The following NCSTN variants were observed in gnomAD, a reference collection of about 807,000 sequenced individuals.
NCSTN encodes the protein nicastrin, also known as anterior pharynx-defective 2.
NCSTN carries 22 observed loss-of-function variants against 87.0 expected under a neutral mutation model. The ratio of observed to expected loss-of-function variants is 0.25; its 90% CI spans 0.18 to 0.36. The LOEUF (loss-of-function observed/expected upper bound fraction) is 0.36, where lower values mean the gene tolerates loss of function less well. Among genes scored for constraint, NCSTN ranks in the 10% least tolerant of loss-of-function variants. The pLI, the probability that NCSTN is intolerant of heterozygous loss-of-function variation, is 1.00. For synonymous variants in NCSTN, 306 were observed against 327.1 expected (o/e 0.94, Z 0.69); for missense variants, 693 against 883.3 (o/e 0.78, Z 2.73).
chr1:160,347,885 A>C (rs901887897), intron 2 of NCSTN, among the ~76,000 whole-genome samples: 1 of 152,228 alleles, frequency 6.6e-6, no homozygotes, highest in South Asian at 2.1e-4. Context: ...AAGTACTGGG[A>C]TTACAGGCAT....
intron 8 of NCSTN, among the ~76,000 whole-genome samples, 157 bp from the exon 9 acceptor site, chr1:160,352,730 C>A (rs1648927871): frequency 6.6e-6 from 1 of 152,152 alleles, no homozygotes; most frequent in Non-Finnish European, 1.5e-5. Context: ...GAGGTGGGGC[C>A]AAGAGAAGCC....
intron 11 of NCSTN, among the ~76,000 whole-genome samples, chr1:160,355,099 G>T (rs937071163): frequency 1.3e-5 from 2 of 152,212 alleles, no homozygotes; most frequent in African/African-American, 4.8e-5. Flanking sequence ...ACTTGACTTT[G>T]TGTGGGACAG....
At chr1:160,352,859 C>T (rs778210683) in intron 8 of NCSTN, 28 bp from the exon 9 acceptor site, 2 of 1,568,384 alleles carry the variant, frequency 1.3e-6, no homozygotes, top group South Asian at 2.2e-5. Context: ...AATCTCTGTT[C>T]CCCCTCCCAC....
chr1:160,349,021 G>T lies in NCSTN; in HGVS notation c.213G>T (p.Gly71=). The change falls in exon 3 of 17, where the codon GGG becomes GGT. Residue 71 remains glycine (G), a synonymous_variant. Transcript: ENST00000294785. ...CAGCTTCAATTAGTGGAGACACAGG[G>T]GTTATCCACGTAGTAGAGAAAGAGG... is the stretch of plus-strand genomic sequence containing the variant. ...GCQSSISGDT[G]VIHVVEKEED... The T allele has an allele frequency of 6.2e-7, 1 of 1,614,190 alleles. No individual in the cohort carries two copies. Among genetic ancestry groups the T allele is most frequent in the Admixed American group, 1.7e-5 (1 of 60,022 alleles).
chr1:160,343,649 C>T, intron 1 of NCSTN, 168 bp downstream of exon 1: 1 of 749,172 alleles, frequency 1.3e-6, no homozygotes, highest in South Asian at 1.5e-5. Flanking sequence ...TTTGCCTGGA[C>T]CTGAAGGTCC....
chr1:160,348,005 G>T (rs971088254), intron 2 of NCSTN, among the ~76,000 whole-genome samples: 1 of 152,258 alleles, frequency 6.6e-6, no homozygotes, highest in Admixed American at 6.5e-5. Flanking sequence ...GCTCACTCCT[G>T]TAACCCTAGC....
intron 15 of NCSTN, 100 bp from the exon 16 acceptor site, chr1:160,356,941 G>A: frequency 7.2e-7 from 1 of 1,384,056 alleles, no homozygotes; most frequent in Non-Finnish European, 1.0e-6. Context: ...ACAGCAGCCA[G>A]TTAGCTCAAT....
chr1:160,351,579 G>T, intron 6 of NCSTN, 117 bp from the exon 7 acceptor site: 1 of 1,259,794 alleles, frequency 7.9e-7, no homozygotes. Flanking sequence ...CGGACTGTTG[G>T]AAGTAGAGAA....
At chr1:160,346,446 A>G (rs1648496376) in intron 2 of NCSTN, among the ~76,000 whole-genome samples, 1 of 152,184 alleles carries the variant, frequency 6.6e-6, no homozygotes, top group African/African-American at 2.4e-5. Flanking sequence ...TGGGACACTG[A>G]GAAGTGAAGG....
At chr1:160,356,214 TC>T in intron 13 of NCSTN, 45 bp from the exon 14 acceptor site, 1 of 1,474,624 alleles carries the variant, frequency 6.8e-7, no homozygotes, top group East Asian at 2.3e-5. Context: ...TTCCCTGGGC[TC>T]CCTTCAAGTC....
chr1:160,354,100 C>T lies in NCSTN; in HGVS notation c.1180-18C>T, dbSNP rs1649008848. The T allele has an allele frequency of 6.2e-7, 1 of 1,613,096 alleles. No homozygotes were observed. ...ATCCCCCAGCCTCCCATCAGTTAATCTCCCTCGTACCCCCCAGGTGGAGGA... is the reference window on the plus strand; with the variant it reads ...ATCCCCCAGCCTCCCATCAGTTAATTTCCCTCGTACCCCCCAGGTGGAGGA... On this transcript the variant is annotated intron_variant, in intron 10 of 16. Coordinates refer to ENST00000294785, the MANE Select transcript of NCSTN (RefSeq NM_015331.3).
chr1:160,358,209 A>T lies in NCSTN; in HGVS notation c.2068A>T (p.Ile690Phe). Residue 690 changes from isoleucine to phenylalanine, a missense_variant, in exon 17 of 17, where the codon ATC becomes TTC. Coordinates refer to ENST00000294785, the MANE Select transcript of NCSTN (RefSeq NM_015331.3). ...CTTCTCCCTCATCGTCACCTACTGC[A>T]TCAATGCCAAAGCTGATGTCCTTTT... ...LIFSLIVTYC[I>F]NAKADVLFIA... 1 of 1,614,116 alleles carries T rather than the reference A, an allele frequency of 6.2e-7. No individual in the cohort carries two copies. The highest frequency in any genetic ancestry group is 8.5e-7 in the Non-Finnish European group (1 of 1,180,018).
intron 11 of NCSTN, among the ~76,000 whole-genome samples, chr1:160,354,635 G>A (rs1649041237): frequency 1.3e-5 from 2 of 152,120 alleles, no homozygotes; most frequent in African/African-American, 2.4e-5. Context: ...GGGGCCCTTT[G>A]GCTAGAAGAC....
In NCSTN at chr1:160,344,834, G is replaced by A. The variant is rs1308995735; in HGVS notation, c.190+8G>A. The A allele has an allele frequency of 1.2e-6, 2 of 1,605,322 alleles. No homozygotes were observed. ...ATCAGATTGGCTGCCAGTGTGAGTTGAGATGGATTCATGTTTGTGGACATT... is the reference window on the plus strand; with the variant it reads ...ATCAGATTGGCTGCCAGTGTGAGTTAAGATGGATTCATGTTTGTGGACATT... On this transcript the variant is annotated splice_region_variant and intron_variant, in intron 2 of 16. Coordinates refer to ENST00000294785, the MANE Select transcript of NCSTN (RefSeq NM_015331.3).
At chr1:160,343,660 C>G in intron 1 of NCSTN, 179 bp downstream of exon 1, 1 of 735,462 alleles carries the variant, frequency 1.4e-6, no homozygotes, top group Non-Finnish European at 2.5e-6. Context: ...CTGAAGGTCC[C>G]TTCTCCCCCG....
chr1:160,343,655 G>A (rs1571193708), intron 1 of NCSTN, 174 bp downstream of exon 1: 2 of 745,250 alleles, frequency 2.7e-6, no homozygotes, highest in African/African-American at 1.7e-5. Flanking sequence ...TGGACCTGAA[G>A]GTCCCTTCTC....
At chr1:160,356,228 A>G in intron 13 of NCSTN, 32 bp from the exon 14 acceptor site, 1 of 1,543,098 alleles carries the variant, frequency 6.5e-7, no homozygotes. Flanking sequence ...TTCAAGTCAC[A>G]GGGTTTTCTC....
chr1:160,358,428 A>C lies in NCSTN; in HGVS notation c.*157A>C. 1.0e-6 allele frequency: 1 copy of C among 974,168 alleles called. No individual in the cohort carries two copies. Among genetic ancestry groups the C allele is most frequent in the Non-Finnish European group, 1.6e-6 (1 of 634,376 alleles). 60.3% of individuals were successfully genotyped at this position (974,168 alleles called of 1,614,324 possible). ...GGAACTATCCAAAAGAGACAGGGAG[A>C]AATAAATAAATTGCCTCCCTTCCTC... On this transcript the variant is annotated 3_prime_UTR_variant, in exon 17 of 17. Transcript: ENST00000294785.
intron 10 of NCSTN, chr1:160,353,775 G>C: frequency 1.1e-6 from 1 of 931,164 alleles, no homozygotes; most frequent in Non-Finnish European, 1.3e-6. Flanking sequence ...TCAGCACGCA[G>C]TTTTCTATTA....
Sources: allele counts gnomAD v4.1 joint callset (sites outside exome capture counted in the v4.1 genomes callset), GRCh38; gene constraint gnomAD v4.1.1; transcripts MANE v1.5; gene names NCBI Gene and HGNC (gene_info 2026-07-23, HGNC 2026-07-21).